Variants in SHCBP1L observed in about 807,000 individuals in gnomAD.
SHCBP1L encodes testicular spindle-associated protein SHCBP1L.
Under a neutral mutation model 62.5 loss-of-function variants are expected in SHCBP1L, and 67 were observed. The observed-to-expected ratio is 1.07, with a 90% CI of 0.88 to 1.31. SHCBP1L has a LOEUF of 1.31. Ranked by LOEUF, SHCBP1L falls within the 40% of genes most tolerant of loss-of-function variation. The pLI is 0.00. For synonymous variants in SHCBP1L, 284 were observed against 289.4 expected (o/e 0.98, Z 0.19); for missense variants, 823 against 809.8 (o/e 1.02, Z -0.20).
chr1:182,918,211 C>T (rs540483832), intron 6 of SHCBP1L, among the ~76,000 whole-genome samples: 10 of 146,500 alleles, frequency 6.8e-5, no homozygotes, highest in African/African-American at 2.5e-4. Flanking sequence ...CATATATATA[C>T]ACATATATAT....
chr1:182,947,108 G>T (rs1343883607), intron 2 of SHCBP1L, among the ~76,000 whole-genome samples: 1 of 151,838 alleles, frequency 6.6e-6, no homozygotes, highest in Non-Finnish European at 1.5e-5. Context: ...ATGGTGGCTC[G>T]CGCCTATAAT....
At chr1:182,914,549 C>G (rs1650292782) in intron 6 of SHCBP1L, among the ~76,000 whole-genome samples, 1 of 151,992 alleles carries the variant, frequency 6.6e-6, no homozygotes. Context: ...GGTATCAATT[C>G]AAACTCAATC....
Position 182,952,855 on chromosome 1 carries a change from C to T in SHCBP1L, c.279G>A (p.Leu93=). The change falls in exon 1 of 10, where the codon CTG becomes CTA. Residue 93 remains leucine (L), a synonymous_variant. Transcript: ENST00000367547. The stretch of plus-strand genomic sequence containing the variant: ...CCTCTTCATCCTCAGGCACTGGCAG[C>T]AGGGGCTCCTCCGCCGCCGCCGCCG... The part of the protein sequence containing the change: ...EAAAAAAEEP[L]LPVPEDEEEA... The T allele has an allele frequency of 6.2e-7, 1 of 1,608,842 alleles. No individual in the cohort carries two copies.
chr1:182,915,384 A>G (rs1044238072), intron 6 of SHCBP1L, among the ~76,000 whole-genome samples: 1 of 152,152 alleles, frequency 6.6e-6, no homozygotes, highest in Non-Finnish European at 1.5e-5. Flanking sequence ...TTAATTCATC[A>G]AGAAGATGTA....
At chr1:182,943,275 A>AT (rs767553592) in intron 2 of SHCBP1L, among the ~76,000 whole-genome samples, 5,550 of 79,094 alleles carry the variant, frequency 0.07, 416 homozygotes, top group African/African-American at 0.097. Flanking sequence ...ACCATTCTTG[A>AT]TTTTTTTTTT....
At chr1:182,907,580 A>G (rs1028626982) in intron 6 of SHCBP1L, among the ~76,000 whole-genome samples, 1 of 150,678 alleles carries the variant, frequency 6.6e-6, no homozygotes, top group African/African-American at 2.4e-5. Context: ...TATTATTATT[A>G]TTGTTATTAT....
At chr1:182,928,144 G>C (rs1459054343) in intron 6 of SHCBP1L, among the ~76,000 whole-genome samples, 1 of 151,738 alleles carries the variant, frequency 6.6e-6, no homozygotes, top group Non-Finnish European at 1.5e-5. Context: ...TAGAATAGCA[G>C]ACAAGACTAT....
At chr1:182,917,528 G>C (rs1473350068) in intron 6 of SHCBP1L, among the ~76,000 whole-genome samples, 1 of 152,116 alleles carries the variant, frequency 6.6e-6, no homozygotes, top group Non-Finnish European at 1.5e-5. Context: ...ACAGGCGTGA[G>C]TCACTGCACC....
rs1491153422 is a variant in SHCBP1L, at chr1:182,904,576, T to TGTGTGTGTGC, written c.1337-147_1337-146insGCACACACAC. ...GTGTGTGTGTGTGTGTGTGTGTGTG[T>TGTGTGTGTGC]GCGCATGCGCATTTTTAGAGATGGT... On this transcript the variant is annotated intron_variant, in intron 7 of 9. Coordinates refer to ENST00000367547, the MANE Select transcript of SHCBP1L (RefSeq NM_030933.4). The TGTGTGTGTGC allele has an allele frequency of 1.9e-5, 13 of 702,012 alleles. No individual in the cohort carries two copies. The African/African-American group carries it at 2.1e-4, about 11-fold the overall frequency. The allele number at this position is 702,012 out of a possible 1,614,324, so 43.5% of individuals were successfully genotyped here.
intron 7 of SHCBP1L, among the ~76,000 whole-genome samples, chr1:182,904,856 C>T (rs1649964080): frequency 6.6e-6 from 1 of 151,724 alleles, no homozygotes; most frequent in Non-Finnish European, 1.5e-5. Flanking sequence ...AAGTGATTGT[C>T]CCACCTCAGC....
intron 9 of SHCBP1L, among the ~76,000 whole-genome samples, 179 bp from the exon 10 acceptor site, chr1:182,900,413 T>G (rs1649793351): frequency 6.6e-6 from 1 of 152,148 alleles, no homozygotes; most frequent in South Asian, 2.1e-4. Flanking sequence ...TAACGTAATA[T>G]TAACTACAAA....
In SHCBP1L at chr1:182,929,661, T is replaced by G; in HGVS notation, c.1168A>C (p.Met390Leu). 9.6e-6 allele frequency: 15 copies of G among 1,564,390 alleles called. No individual in the cohort carries two copies. Among genetic ancestry groups the G allele is most frequent in the Non-Finnish European group, 1.3e-5 (15 of 1,158,922 alleles). ...KTITHIVAKM[M>L]TTEMIKDLSS... Reference sequence around the variant, plus strand: ...TTATTTCTTACCATTTCAGTAGTCATCATTTTTGCTACAATATGTGTTATA... The same window carrying G: ...TTATTTCTTACCATTTCAGTAGTCAGCATTTTTGCTACAATATGTGTTATA... Residue 390 changes from methionine (M) to leucine (L), a missense_variant, in exon 6 of 10, where the codon ATG becomes CTG. Transcript: ENST00000367547.
intron 6 of SHCBP1L, among the ~76,000 whole-genome samples, chr1:182,920,471 C>T (rs1650494149): frequency 6.6e-6 from 1 of 152,098 alleles, no homozygotes; most frequent in South Asian, 2.1e-4. Context: ...CAAGCAGATG[C>T]GAAAAAAGCA....
chr1:182,908,120 A>G (rs1453858009), intron 6 of SHCBP1L, among the ~76,000 whole-genome samples: 1 of 150,994 alleles, frequency 6.6e-6, no homozygotes, highest in Non-Finnish European at 1.5e-5. Flanking sequence ...TCTTTAAATA[A>G]TTTTTCAAAG....
Position 182,940,463 on chromosome 1 carries a change from A to G in SHCBP1L, c.636T>C (p.Ile212=), listed in dbSNP as rs753704657. 6.2e-7 allele frequency: 1 copy of G among 1,614,002 alleles called. No homozygotes were observed. The highest frequency in any genetic ancestry group is 1.1e-5 in the South Asian group (1 of 91,078). Residue 212 remains isoleucine, a synonymous_variant, in exon 3 of 10, where the codon ATT becomes ATC. Coordinates refer to ENST00000367547, the MANE Select transcript of SHCBP1L (RefSeq NM_030933.4). The stretch of plus-strand genomic sequence containing the variant: ...CAACCAAATCTCTTGGAATATTTGC[A>G]ATGTTGGAAGAAAAGGGCTCAGCAA... The part of the protein sequence containing the change: ...VSVAEPFSSN[I]ANIPRDLVDE...
intron 9 of SHCBP1L, among the ~76,000 whole-genome samples, chr1:182,902,061 C>CTTTTTTT (rs1156301250): frequency 1.6e-5 from 2 of 127,576 alleles, no homozygotes; most frequent in Admixed American, 8.0e-5. Context: ...CTTTTTTTTT[C>CTTTTTTT]TTTTTTTTTT....
intron 6 of SHCBP1L, among the ~76,000 whole-genome samples, chr1:182,906,541 C>T (rs775524951): frequency 5.3e-5 from 8 of 151,908 alleles, no homozygotes; most frequent in Non-Finnish European, 1.0e-4. Context: ...AACCAATTCT[C>T]CCACCTCAGC....
At position 182,951,336 on chromosome 1, in the gene SHCBP1L, A is replaced by T. The variant is rs1350758730; in HGVS notation, c.537T>A (p.Phe179Leu). 1.3e-6 allele frequency: 2 copies of T among 1,576,240 alleles called. No individual in the cohort carries two copies. The highest frequency in any genetic ancestry group is 1.7e-6 in the Non-Finnish European group (2 of 1,163,196). ...FVKYEEASIPFVGILVEVTCE... is the reference protein window; with the variant it reads ...FVKYEEASIPLVGILVEVTCE... ...TATTTACCTCAACCAATATACCAAC[A>T]AAAGGGATAGAAGCTTCTTCATATT... Residue 179 changes from phenylalanine (F) to leucine (L), a missense_variant, in exon 2 of 10, where the codon TTT becomes TTA. Phe to Leu is a conservative substitution (Grantham distance 22). Transcript: ENST00000367547.
At chr1:182,948,591 C>T (rs1267078211) in intron 2 of SHCBP1L, among the ~76,000 whole-genome samples, 1 of 152,188 alleles carries the variant, frequency 6.6e-6, no homozygotes, top group African/African-American at 2.4e-5. Context: ...GCCTTGCATA[C>T]ACCTTGATTT....
Sources: gnomAD v4.1 joint callset for allele counts (sites outside exome capture counted in the v4.1 genomes callset) on GRCh38, gnomAD v4.1.1 for gene constraint, MANE v1.5 for transcripts, NCBI Gene and HGNC (gene_info 2026-07-23, HGNC 2026-07-21) for gene names.